DSCAML1: variants seen among roughly 807,000 people sequenced by gnomAD.
The protein encoded by DSCAML1 is DS cell adhesion molecule like 1, also known as cell adhesion molecule DSCAML1.
A neutral mutation model predicts 200.5 loss-of-function variants in DSCAML1; 38 were observed. The ratio of observed to expected loss-of-function variants is 0.19; its 90% CI spans 0.15 to 0.25. DSCAML1 has a LOEUF of 0.25. DSCAML1 is among the 10% of genes least tolerant of loss of function. The pLI is 1.00. For synonymous variants in DSCAML1, 1,215 were observed against 1,165.0 expected, an observed-to-expected ratio of 1.04 and a Z score of -0.87; for missense variants, 2,223 against 2,858.8, an observed-to-expected ratio of 0.78 and a Z score of 5.07.
intron 3 of DSCAML1, among the ~76,000 whole-genome samples, chr11:117,765,389 C>T (rs1340673393): frequency 2.0e-5 from 3 of 152,198 alleles, no homozygotes; most frequent in African/African-American, 7.2e-5. Flanking sequence ...GCGTCCCTGC[C>T]TCTCTGTCCC....
intron 3 of DSCAML1, among the ~76,000 whole-genome samples, chr11:117,600,419 G>T (rs776247047): frequency 6.6e-6 from 1 of 152,178 alleles, no homozygotes; most frequent in Non-Finnish European, 1.5e-5. Flanking sequence ...TCTGGATCAT[G>T]TCGGGGAGCA....
intron 3 of DSCAML1, among the ~76,000 whole-genome samples, chr11:117,656,251 G>A (rs553617881): frequency 1.6e-4 from 24 of 152,290 alleles, no homozygotes; most frequent in African/African-American, 4.6e-4. Flanking sequence ...TGGGGGCAGC[G>A]GGGCAGAGGA....
intron 3 of DSCAML1, among the ~76,000 whole-genome samples, chr11:117,762,746 C>T (rs922966607): frequency 2.0e-5 from 3 of 151,858 alleles, no homozygotes; most frequent in Non-Finnish European, 4.4e-5. Context: ...GCCTGTAACC[C>T]CAGATGCTGT....
intron 3 of DSCAML1, among the ~76,000 whole-genome samples, chr11:117,536,313 C>T (rs905884884): frequency 1.3e-5 from 2 of 152,168 alleles, no homozygotes. Context: ...GGGATGGAGA[C>T]GGGCCAGGGT....
chr11:117,479,510 G>T (rs2048863977), intron 14 of DSCAML1, among the ~76,000 whole-genome samples: 1 of 152,176 alleles, frequency 6.6e-6, no homozygotes, highest in Non-Finnish European at 1.5e-5. Flanking sequence ...GCCCCTCCTT[G>T]CCATTCCTGC....
rs997821943 is a variant in DSCAML1 at position 117,430,379 on chromosome 11, A to G, written c.5686+343T>C. Among the ~76,000 whole-genome samples, 5 of 152,240 alleles carry G rather than the reference A, an allele frequency of 3.3e-5. No individual in the cohort carries two copies. In the South Asian group the frequency reaches 1.0e-3, roughly 31 times the overall value. ...AGATTAAGGGGATGCTCACTACCGA[A>G]TGAATGAGGCCTTACAACACGCTGG... is the stretch of plus-strand genomic sequence containing the variant. On this transcript the variant is annotated intron_variant, in intron 32 of 32. Transcript: ENST00000651296.
intron 3 of DSCAML1, among the ~76,000 whole-genome samples, chr11:117,775,806 C>T (rs149931876): frequency 6.6e-6 from 1 of 152,062 alleles, no homozygotes; most frequent in Non-Finnish European, 1.5e-5. Context: ...CTTAAGAACC[C>T]CTGCTTTACA....
chr11:117,649,039 A>ATGTG (rs1360372357), intron 3 of DSCAML1, among the ~76,000 whole-genome samples: 38 of 131,538 alleles, frequency 2.9e-4, no homozygotes, highest in African/African-American at 1.2e-3. Context: ...CTCTCCATAT[A>ATGTG]TATGTGTGTG....
chr11:117,632,911 T>G (rs1414557694), intron 3 of DSCAML1, among the ~76,000 whole-genome samples: 1 of 152,198 alleles, frequency 6.6e-6, no homozygotes. Context: ...AACTGAGGCT[T>G]CCAGGAGTTA....
intron 3 of DSCAML1, among the ~76,000 whole-genome samples, chr11:117,725,718 CT>C (rs1053512476): frequency 2.6e-5 from 4 of 152,148 alleles, no homozygotes; most frequent in African/African-American, 9.7e-5. Flanking sequence ...GGGCTGGCCC[CT>C]GAACCCCATC....
chr11:117,481,907 G>T, intron 12 of DSCAML1, 56 bp downstream of exon 12: 1 of 1,601,436 alleles, frequency 6.2e-7, no homozygotes. Flanking sequence ...TGATAGCTGC[G>T]GGCTCCCCAC....
chr11:117,432,516 A>G lies in DSCAML1; in HGVS notation c.5027-12T>C, dbSNP rs59695358. On this transcript the variant is annotated splice_polypyrimidine_tract_variant and intron_variant, in intron 29 of 32. Coordinates refer to ENST00000651296, the MANE Select transcript of DSCAML1 (RefSeq NM_020693.4). ...GGCCTTGTCATCTCCTGGGGAAAGA[A>G]GGACAATTACTGGGAGTCCTTTACA... 8,213 of 1,612,296 alleles carry G rather than the reference A, an allele frequency of 5.1e-3. 365 individuals carry two copies. The African/African-American group carries it at 0.097, about 19-fold the overall frequency.
rs552184684 is a variant in DSCAML1 at position 117,756,847 on chromosome 11, C to T, written c.511+19944G>A. Among the ~76,000 whole-genome samples the T allele has an allele frequency of 7.9e-5, 12 of 152,308 alleles. No individual in the cohort carries two copies. The South Asian group carries it at 1.0e-3, about 13-fold the overall frequency. On this transcript the variant is annotated intron_variant, in intron 3 of 32. Coordinates refer to ENST00000651296, the MANE Select transcript of DSCAML1 (RefSeq NM_020693.4). ...TGTGGGGCACTCACTTTGGGAAAGA[C>T]TTTGACACAACAGGGCACGCTCAGC...
chr11:117,497,576 C>A (rs1394993433), intron 11 of DSCAML1, among the ~76,000 whole-genome samples: 3 of 151,968 alleles, frequency 2.0e-5, no homozygotes, highest in Non-Finnish European at 4.4e-5. Context: ...GCCGGATGAT[C>A]ATTGCCATGG....
At chr11:117,812,657 C>T (rs2134090971) in intron 1 of DSCAML1, among the ~76,000 whole-genome samples, 1 of 151,888 alleles carries the variant, frequency 6.6e-6, no homozygotes, top group South Asian at 2.1e-4. Flanking sequence ...GCCCCCATTA[C>T]TTCAGTCAAG....
At chr11:117,711,854 C>T (rs1411892880) in intron 3 of DSCAML1, among the ~76,000 whole-genome samples, 4 of 152,106 alleles carry the variant, frequency 2.6e-5, no homozygotes, top group Admixed American at 6.5e-5. Context: ...TCTTTTATTC[C>T]TAAACTGAAT....
Position 117,733,340 on chromosome 11 carries a change from G to A in DSCAML1, c.511+43451C>T, listed in dbSNP as rs537270323. Among the ~76,000 whole-genome samples the A allele has an allele frequency of 3.9e-5, 6 of 152,300 alleles. No individual in the cohort carries two copies. The South Asian group carries it at 6.2e-4, about 16-fold the overall frequency. ...ATGGTCTGGTAGCGCACTGCCTCCCGAAGAATCCCTGGTGCAGAGTGGGGC... is the reference window on the plus strand; with the variant it reads ...ATGGTCTGGTAGCGCACTGCCTCCCAAAGAATCCCTGGTGCAGAGTGGGGC... On this transcript the variant is annotated intron_variant, in intron 3 of 32. Transcript: ENST00000651296.
chr11:117,481,909 G>A, intron 12 of DSCAML1, 54 bp downstream of exon 12: 1 of 1,602,886 alleles, frequency 6.2e-7, no homozygotes, highest in Non-Finnish European at 8.5e-7. Flanking sequence ...ATAGCTGCGG[G>A]CTCCCCACTC....
chr11:117,524,085 C>A (rs751652262), intron 5 of DSCAML1, among the ~76,000 whole-genome samples: 21 of 152,302 alleles, frequency 1.4e-4, no homozygotes, highest in East Asian at 5.8e-4. Flanking sequence ...AAATCCGCAT[C>A]CAGAGTGCTT....
Sources: allele counts gnomAD v4.1 joint callset (sites outside exome capture counted in the v4.1 genomes callset), GRCh38; gene constraint gnomAD v4.1.1; transcripts MANE v1.5; gene names NCBI Gene and HGNC (gene_info 2026-07-23, HGNC 2026-07-21).